PAM: variants seen among roughly 807,000 people sequenced by gnomAD.
PAM encodes the protein peptidyl-glycine alpha-amidating monooxygenase.
In PAM, 72 loss-of-function variants were observed where a neutral mutation model predicts 122.1. The observed-to-expected ratio is 0.59, with a 90% confidence interval of 0.49 to 0.72. The LOEUF (loss-of-function observed/expected upper bound fraction) is 0.72. Ranked by LOEUF, PAM falls within the 30% of genes least tolerant of loss-of-function variation. PAM has a pLI of 0.00. For synonymous variants in PAM, 389 were observed against 404.4 expected, an observed-to-expected ratio of 0.96 and a Z score of 0.46; for missense variants, 1,106 against 1,183.7, an observed-to-expected ratio of 0.93 and a Z score of 0.96.
At chr5:102,833,215 C>T (rs1160448702) in intron 1 of PAM, among the ~76,000 whole-genome samples, 1 of 151,912 alleles carries the variant, frequency 6.6e-6, no homozygotes, top group African/African-American at 2.4e-5. Flanking sequence ...TCCTGTTTAC[C>T]TTCTATTGGT....
At chr5:102,855,992 CT>C (rs1011263222) in intron 1 of PAM, among the ~76,000 whole-genome samples, 6 of 151,950 alleles carry the variant, frequency 3.9e-5, no homozygotes, top group Non-Finnish European at 7.4e-5. Context: ...ATGATTCACA[CT>C]TTTTTTGAAA....
chr5:102,813,903 T>TG (rs1458985250), intron 1 of PAM, among the ~76,000 whole-genome samples: 1 of 152,104 alleles, frequency 6.6e-6, no homozygotes, highest in Non-Finnish European at 1.5e-5. Context: ...CCATCTTTTG[T>TG]GGGGGGTTTG....
At chr5:102,975,153 G>T (rs1353848698) in intron 15 of PAM, among the ~76,000 whole-genome samples, 1 of 152,124 alleles carries the variant, frequency 6.6e-6, no homozygotes, top group Non-Finnish European at 1.5e-5. Context: ...CTGTGATATT[G>T]ATTGCGTTTC....
At chr5:102,964,794 TA>T (rs1763563195) in intron 14 of PAM, among the ~76,000 whole-genome samples, 1 of 151,818 alleles carries the variant, frequency 6.6e-6, no homozygotes, top group African/African-American at 2.4e-5. Context: ...TAGCCCTTTT[TA>T]AAAAATATAC....
chr5:102,995,123 T>C (rs529515230), intron 16 of PAM, among the ~76,000 whole-genome samples: 1 of 152,168 alleles, frequency 6.6e-6, no homozygotes, highest in Non-Finnish European at 1.5e-5. Flanking sequence ...AGTTAAGATA[T>C]CTGCCTGGGT....
chr5:102,979,989 A>T (rs1049533409), intron 15 of PAM, among the ~76,000 whole-genome samples: 3 of 152,042 alleles, frequency 2.0e-5, no homozygotes, highest in African/African-American at 7.2e-5. Flanking sequence ...CAACTTTTTA[A>T]TCATCTTTTA....
rs759007766 is a variant in PAM, at chr5:103,025,334, G to A, written c.2689G>A (p.Asp897Asn). The A allele has an allele frequency of 1.2e-6, 2 of 1,612,988 alleles. No individual in the cohort carries two copies. Among genetic ancestry groups the A allele is most frequent in the East Asian group, 4.5e-5 (2 of 44,880 alleles). ...GTGGAAAAAATCAAGGGCCTTTGGA[G>A]GCAAGTAAAATGAGCCCCGTGAACT... is the stretch of plus-strand genomic sequence containing the variant. ...IRWKKSRAFG[D>N]SEHKLETSSG... is the part of the protein sequence containing the mutation. The change falls in exon 24 of 26, where the codon GAT becomes AAT. Residue 897 changes from aspartate to asparagine, a missense_variant and splice_region_variant. This residue lies in a region of PAM where 333 missense variants were observed against 335.6 expected (regional missense o/e 0.99). Coordinates refer to ENST00000438793, the MANE Select transcript of PAM (RefSeq NM_001177306.2).
At chr5:102,852,735 C>T (rs1781634528) in intron 1 of PAM, among the ~76,000 whole-genome samples, 1 of 152,036 alleles carries the variant, frequency 6.6e-6, no homozygotes, top group Non-Finnish European at 1.5e-5. Context: ...AAAGGAACTA[C>T]CTCCCAGCAA....
At chr5:102,818,350 T>C (rs1450249369) in intron 1 of PAM, among the ~76,000 whole-genome samples, 1 of 151,988 alleles carries the variant, frequency 6.6e-6, no homozygotes, top group Non-Finnish European at 1.5e-5. Flanking sequence ...GAACACACAG[T>C]TCCTTTCAAA....
rs370062582 is a variant in PAM, at chr5:102,821,808, GA to G, written c.-373-44010del. On this transcript the variant is annotated intron_variant, in intron 1 of 25. Transcript: ENST00000438793. ...CACAGTAGATCCCCATAGGTTCTTG[GA>G]AAAACTGTGACTTTAAGTGAAATAA... 5.4e-3 allele frequency among the ~76,000 whole-genome samples: 829 copies of G among 152,226 alleles called. 11 individuals are homozygous for G. The highest frequency in any genetic ancestry group is 0.019 in the African/African-American group (779 of 41,532).
intron 23 of PAM, among the ~76,000 whole-genome samples, chr5:103,022,484 A>G (rs572859787): frequency 6.6e-6 from 1 of 152,280 alleles, no homozygotes; most frequent in South Asian, 2.1e-4. Context: ...ACAGGAATGT[A>G]GCTAACCTCC....
chr5:102,756,066 C>T (rs1028524977), intron 1 of PAM, among the ~76,000 whole-genome samples: 5 of 152,154 alleles, frequency 3.3e-5, no homozygotes, highest in Non-Finnish European at 7.3e-5. Context: ...CCCATCGGAA[C>T]CTGTATGTTG....
chr5:102,846,374 C>T (rs1226179131), intron 1 of PAM, among the ~76,000 whole-genome samples: 1 of 152,220 alleles, frequency 6.6e-6, no homozygotes, highest in African/African-American at 2.4e-5. Context: ...TCCCATCCCT[C>T]TGTGTGTTCT....
In PAM at chr5:103,003,986, G is replaced by C. The variant is rs1411299351; in HGVS notation, c.1730+837G>C. Among the ~76,000 whole-genome samples the C allele has an allele frequency of 5.9e-5, 9 of 151,770 alleles. No homozygotes were observed. In the East Asian group the frequency reaches 1.7e-3, roughly 29 times the overall value. On this transcript the variant is annotated intron_variant, in intron 17 of 25. Transcript: ENST00000438793. ...AAAAAAAAAGTTGACTGATATTTAT[G>C]GTCATTGAAAGAAGTGAGGGAGGCA...
intron 7 of PAM, among the ~76,000 whole-genome samples, chr5:102,927,144 T>G (rs894295101): frequency 6.6e-6 from 1 of 152,068 alleles, no homozygotes; most frequent in African/African-American, 2.4e-5. Flanking sequence ...ACTCATCCAT[T>G]GTCCACTGCT....
chr5:102,896,472 T>C (rs1277506602), intron 3 of PAM, among the ~76,000 whole-genome samples: 2 of 151,694 alleles, frequency 1.3e-5, no homozygotes, highest in African/African-American at 4.8e-5. Context: ...AAGTGCAAAA[T>C]TCAACAACTA....
Position 102,931,553 on chromosome 5 carries a change from C to T in PAM, c.526+4885C>T, listed in dbSNP as rs1751513544. 2.6e-5 allele frequency among the ~76,000 whole-genome samples: 4 copies of T among 152,156 alleles called. No individual in the cohort carries two copies. The South Asian group carries it at 8.3e-4, about 31-fold the overall frequency. On this transcript the variant is annotated intron_variant, in intron 7 of 25. Transcript: ENST00000438793. ...CTAGGGGAATCTTAAGAAAGCTCTCCTCTCATTTTTAGAATTTCTGGCATT... is the reference window on the plus strand; with the variant it reads ...CTAGGGGAATCTTAAGAAAGCTCTCTTCTCATTTTTAGAATTTCTGGCATT...
intron 15 of PAM, among the ~76,000 whole-genome samples, chr5:102,978,420 A>G (rs1768508501): frequency 6.6e-6 from 1 of 152,204 alleles, no homozygotes; most frequent in African/African-American, 2.4e-5. Flanking sequence ...TAGCATTAAT[A>G]GAGTAGAAAC....
rs546292431 is a variant in PAM, at chr5:102,986,476, T to C, written c.1484-3796T>C. Among the ~76,000 whole-genome samples, 11 of 152,184 alleles carry C rather than the reference T, an allele frequency of 7.2e-5. No individual in the cohort carries two copies. The South Asian group carries it at 2.3e-3, about 32-fold the overall frequency. Reference sequence around the variant, plus strand: ...GCTGAAAAAGAAATCAAGAAAGCAGTCCTATTTACAATAGCTTAAAAAAAT... The same window carrying C: ...GCTGAAAAAGAAATCAAGAAAGCAGCCCTATTTACAATAGCTTAAAAAAAT... On this transcript the variant is annotated intron_variant, in intron 15 of 25. Coordinates refer to ENST00000438793, the MANE Select transcript of PAM (RefSeq NM_001177306.2).
Sources: gnomAD v4.1 joint callset for allele counts (sites outside exome capture counted in the v4.1 genomes callset) on GRCh38, gnomAD v4.1.1 for gene constraint, gnomAD v4.1.1 regional missense constraint, MANE v1.5 for transcripts, NCBI Gene and HGNC (gene_info 2026-07-23, HGNC 2026-07-21) for gene names.